Variants in MOB1B observed in about 807,000 individuals in gnomAD.
MOB1B encodes the protein MOB1 Mps One Binder homolog B.
MOB1B carries 19 observed loss-of-function variants against 24.4 expected under a neutral mutation model. That is an observed-to-expected ratio of 0.78 (90% confidence interval 0.54 to 1.14). The LOEUF is 1.14. Among genes scored for constraint, MOB1B ranks in the 50% most tolerant of loss-of-function variants. MOB1B has a pLI of 0.00. For synonymous variants in MOB1B, 76 were observed against 82.1 expected (o/e 0.93, Z 0.40); for missense variants, 243 against 259.6 (o/e 0.94, Z 0.44).
chr4:70,905,399 C>T (rs906156128), intron 1 of MOB1B, among the ~76,000 whole-genome samples: 1 of 152,018 alleles, frequency 6.6e-6, no homozygotes, highest in Admixed American at 6.6e-5. Flanking sequence ...CAGGTATGCT[C>T]CACTATGCCT....
At chr4:70,917,257 T>G (rs1222000225) in intron 1 of MOB1B, among the ~76,000 whole-genome samples, 2 of 152,182 alleles carry the variant, frequency 1.3e-5, no homozygotes, top group Non-Finnish European at 2.9e-5. Flanking sequence ...TCTTCATCTT[T>G]TATCTATGGA....
At chr4:70,902,320 T>C, upstream of MOB1B, 2 of 640,314 alleles carry the variant, frequency 3.1e-6, no homozygotes, top group Non-Finnish European at 2.8e-6. Context: ...TCCCCTCCCC[T>C]GGAGTGATTC....
chr4:70,924,707 CCATCTATG>C (rs1169193965), intron 1 of MOB1B, among the ~76,000 whole-genome samples: 1 of 152,098 alleles, frequency 6.6e-6, no homozygotes, highest in African/African-American at 2.4e-5. Context: ...TGTTCATTTC[CCATCTATG>C]CATCTATGAG....
At chr4:70,905,706 A>G (rs747430276) in intron 1 of MOB1B, among the ~76,000 whole-genome samples, 10 of 152,098 alleles carry the variant, frequency 6.6e-5, no homozygotes, top group Non-Finnish European at 1.2e-4. Flanking sequence ...GGGGCTGCAA[A>G]GGTGGTGACT....
At chr4:70,927,984 C>T (rs1736721050) in intron 1 of MOB1B, among the ~76,000 whole-genome samples, 1 of 151,896 alleles carries the variant, frequency 6.6e-6, no homozygotes, top group South Asian at 2.1e-4. Context: ...ATCTTTCTGC[C>T]TTTGTAAATG....
Position 70,902,570 on chromosome 4 carries a change from A to C in MOB1B, c.14+20A>C, listed in dbSNP as rs1350686054. The C allele has an allele frequency of 1.3e-6, 2 of 1,549,750 alleles. No homozygotes were observed. The highest frequency in any genetic ancestry group is 8.7e-7 in the Non-Finnish European group (1 of 1,149,926). ...CTTGTTGTGAGTAGCCAGGCCCCGC[A>C]CGCGCCGGCTTTGTTCGGGTGGACC... On this transcript the variant is annotated intron_variant, in intron 1 of 5. Transcript: ENST00000309395.
chr4:70,937,097 T>C (rs1737115789), intron 1 of MOB1B, among the ~76,000 whole-genome samples: 1 of 152,008 alleles, frequency 6.6e-6, no homozygotes, highest in Non-Finnish European at 1.5e-5. Context: ...TTTGTATTTT[T>C]AGTAGAGACG....
chr4:70,903,077 G>T (rs943572232), intron 1 of MOB1B, among the ~76,000 whole-genome samples: 10 of 152,208 alleles, frequency 6.6e-5, no homozygotes, highest in Non-Finnish European at 1.5e-5. Flanking sequence ...AAGTTCTGTA[G>T]ATGTAACACT....
At chr4:70,920,471 T>A (rs1736389980) in intron 1 of MOB1B, among the ~76,000 whole-genome samples, 1 of 152,202 alleles carries the variant, frequency 6.6e-6, no homozygotes, top group African/African-American at 2.4e-5. Context: ...GTGATCTGCC[T>A]GCCTCGGCCT....
In MOB1B at chr4:70,905,087, A is replaced by G. The variant is rs183659554; in HGVS notation, c.14+2537A>G. On this transcript the variant is annotated intron_variant, in intron 1 of 5. Coordinates refer to ENST00000309395, the MANE Select transcript of MOB1B (RefSeq NM_173468.4). ...AGCCCATGTGCTTGACAATCAGAAA[A>G]GTTAATTCAACATTTTCAGTTTTGG... Among the ~76,000 whole-genome samples the G allele has an allele frequency of 1.3e-3, 202 of 152,340 alleles. 1 individual carries two copies. The highest frequency in any genetic ancestry group is 2.3e-3 in the Admixed American group (35 of 15,288).
intron 1 of MOB1B, among the ~76,000 whole-genome samples, chr4:70,936,447 C>T (rs754748473): frequency 6.6e-6 from 1 of 152,184 alleles, no homozygotes; most frequent in Admixed American, 6.5e-5. Context: ...TGGCCTCAAG[C>T]TGTCCTTCCT....
Position 70,982,376 on chromosome 4 carries a change from G to A in MOB1B, c.*319G>A, listed in dbSNP as rs1159537826. The A allele has an allele frequency of 5.0e-6, 1 of 201,894 alleles. No individual in the cohort carries two copies. Among genetic ancestry groups the A allele is most frequent in the Non-Finnish European group, 1.0e-5 (1 of 99,602 alleles). 12.5% of individuals were successfully genotyped at this position (201,894 alleles called of 1,614,324 possible). A position where few individuals can be genotyped will look rare whatever the true frequency, so the allele number is the denominator to read the frequency against. ...TGTTGATTGAACTGCCGATGGATTG[G>A]TTTCTGTGTGGTATAAATTGTGGCC... On this transcript the variant is annotated 3_prime_UTR_variant, in exon 6 of 6. Coordinates refer to ENST00000309395, the MANE Select transcript of MOB1B (RefSeq NM_173468.4).
chr4:70,933,271 C>G (rs976734466), intron 1 of MOB1B, among the ~76,000 whole-genome samples: 9 of 152,122 alleles, frequency 5.9e-5, no homozygotes, highest in African/African-American at 2.2e-4. Flanking sequence ...TACCTCCCAC[C>G]ACGCCCCTCC....
At chr4:70,923,002 C>T (rs1419670007) in intron 1 of MOB1B, among the ~76,000 whole-genome samples, 1 of 152,148 alleles carries the variant, frequency 6.6e-6, no homozygotes, top group Admixed American at 6.6e-5. Flanking sequence ...GTCTCCATGG[C>T]AGTTTGATTA....
At chr4:70,909,993 C>G (rs1451605510) in intron 1 of MOB1B, among the ~76,000 whole-genome samples, 1 of 151,948 alleles carries the variant, frequency 6.6e-6, no homozygotes, top group Non-Finnish European at 1.5e-5. Flanking sequence ...GGTGCTCCTC[C>G]CACCTCGGCC....
chr4:70,974,335 C>T (rs1578402652), intron 3 of MOB1B, among the ~76,000 whole-genome samples: 1 of 152,192 alleles, frequency 6.6e-6, no homozygotes, highest in South Asian at 2.1e-4. Context: ...AACTCCTGAC[C>T]TCAAGTGATC....
intron 5 of MOB1B, 34 bp downstream of exon 5, chr4:70,979,325 G>A (rs1294356446): frequency 1.3e-6 from 2 of 1,557,354 alleles, no homozygotes; most frequent in African/African-American, 1.4e-5. Flanking sequence ...GGTGCTCAGG[G>A]TAAGCATTTA....
intron 2 of MOB1B, among the ~76,000 whole-genome samples, chr4:70,969,112 C>T (rs1165214360): frequency 6.6e-6 from 1 of 152,034 alleles, no homozygotes; most frequent in African/African-American, 2.4e-5. Flanking sequence ...CTGTTTTATT[C>T]GTTGTGCTTT....
intron 1 of MOB1B, among the ~76,000 whole-genome samples, chr4:70,948,383 C>T (rs1404013848): frequency 6.6e-6 from 1 of 152,116 alleles, no homozygotes; most frequent in African/African-American, 2.4e-5. Context: ...TTTTTAGTAA[C>T]CATCTCCACA....
Sources: gnomAD v4.1 joint callset for allele counts (sites outside exome capture counted in the v4.1 genomes callset) on GRCh38, gnomAD v4.1.1 for gene constraint, MANE v1.5 for transcripts, NCBI Gene and HGNC (gene_info 2026-07-23, HGNC 2026-07-21) for gene names.